LSAMP: variants seen among roughly 807,000 people sequenced by gnomAD.
LSAMP encodes limbic system-associated membrane protein.
In LSAMP, 7 loss-of-function variants were observed where a neutral mutation model predicts 38.6. The observed-to-expected ratio is 0.18, with a 90% CI of 0.10 to 0.34. The LOEUF (loss-of-function observed/expected upper bound fraction) is 0.34, where lower values mean the gene tolerates loss of function less well. LSAMP is among the 10% of genes least tolerant of loss of function. The probability of loss-of-function intolerance (pLI) is 1.00; values close to 1 mark genes in which losing one functional copy is unlikely to be tolerated. For missense variants in LSAMP, 313 were observed against 420.0 expected, an observed-to-expected ratio of 0.75 and a Z score of 2.23; for synonymous variants, 154 against 166.8, an observed-to-expected ratio of 0.92 and a Z score of 0.59.
chr3:116,010,898 T>C (rs1940304588), intron 3 of LSAMP, among the ~76,000 whole-genome samples: 1 of 152,228 alleles, frequency 6.6e-6, no homozygotes, highest in African/African-American at 2.4e-5. Flanking sequence ...CCCACTAATA[T>C]TTCTATTTTT....
chr3:116,117,983 A>C (rs985847664), intron 1 of LSAMP, among the ~76,000 whole-genome samples: 1 of 151,982 alleles, frequency 6.6e-6, no homozygotes, highest in African/African-American at 2.4e-5. Flanking sequence ...TATATTTCTC[A>C]AGAAAGAGTC....
chr3:115,917,585 TC>T (rs1937279762), intron 3 of LSAMP, among the ~76,000 whole-genome samples: 1 of 152,166 alleles, frequency 6.6e-6, no homozygotes, highest in Non-Finnish European at 1.5e-5. Flanking sequence ...TTAAATATTT[TC>T]CAATTTATTC....
intron 3 of LSAMP, among the ~76,000 whole-genome samples, chr3:115,898,691 C>T (rs565062167): frequency 1.3e-5 from 2 of 151,776 alleles, no homozygotes; most frequent in East Asian, 3.9e-4. Flanking sequence ...TAGTACCCAG[C>T]CAATGGTCCA....
intron 1 of LSAMP, among the ~76,000 whole-genome samples, chr3:116,345,989 T>C (rs1444358300): frequency 6.6e-6 from 1 of 152,204 alleles, no homozygotes; most frequent in African/African-American, 2.4e-5. Flanking sequence ...CGGTGTGCCA[T>C]GCACATAATC....
At chr3:115,849,584 G>A (rs1559849433) in intron 4 of LSAMP, among the ~76,000 whole-genome samples, 1 of 152,050 alleles carries the variant, frequency 6.6e-6, no homozygotes, top group Non-Finnish European at 1.5e-5. Context: ...TCCAAAGCCT[G>A]TGTTTTGAAA....
At chr3:116,223,510 T>C (rs1219224015) in intron 1 of LSAMP, among the ~76,000 whole-genome samples, 2 of 152,152 alleles carry the variant, frequency 1.3e-5, no homozygotes, top group African/African-American at 2.4e-5. Flanking sequence ...TATGTAAGAA[T>C]AAGAAAACTA....
At chr3:116,325,394 T>C (rs1260076283) in intron 1 of LSAMP, among the ~76,000 whole-genome samples, 2 of 152,172 alleles carry the variant, frequency 1.3e-5, no homozygotes, top group Non-Finnish European at 2.9e-5. Context: ...CATATACTCT[T>C]ATCCCTGTCT....
intron 1 of LSAMP, among the ~76,000 whole-genome samples, chr3:116,411,678 A>G (rs1362250429): frequency 6.7e-6 from 1 of 149,786 alleles, no homozygotes; most frequent in East Asian, 2.0e-4. Context: ...CTAATGCTAA[A>G]TGACGAGTTA....
At chr3:115,919,731 CCTCCCGAGTAG>C (rs1249619497) in intron 3 of LSAMP, among the ~76,000 whole-genome samples, 1 of 152,152 alleles carries the variant, frequency 6.6e-6, no homozygotes, top group Non-Finnish European at 1.5e-5. Context: ...CTTGCCTCAG[CCTCCCGAGTAG>C]CTGGGATTAC....
intron 1 of LSAMP, among the ~76,000 whole-genome samples, chr3:116,435,180 GGGT>G (rs2049333521): frequency 6.6e-6 from 1 of 152,104 alleles, no homozygotes; most frequent in Admixed American, 6.5e-5. Flanking sequence ...AGTCATCCCT[GGGT>G]TACTATAGCT....
chr3:116,274,737 A>AT (rs2047023754), intron 1 of LSAMP, among the ~76,000 whole-genome samples: 1 of 151,286 alleles, frequency 6.6e-6, no homozygotes, highest in Non-Finnish European at 1.5e-5. Context: ...TGGTTAAACC[A>AT]TTTTCCAATC....
At chr3:116,165,219 C>T (rs768019613) in intron 1 of LSAMP, among the ~76,000 whole-genome samples, 2 of 152,226 alleles carry the variant, frequency 1.3e-5, no homozygotes, top group African/African-American at 2.4e-5. Context: ...CTGGACTTGG[C>T]TGTTGGCAGT....
At chr3:115,917,986 C>T (rs1360289589) in intron 3 of LSAMP, among the ~76,000 whole-genome samples, 1 of 152,106 alleles carries the variant, frequency 6.6e-6, no homozygotes, top group East Asian at 1.9e-4. Context: ...ATGCAAGTAC[C>T]CTTCAGTTAA....
chr3:116,221,844 A>AGTGTGTGTGT (rs58596077), intron 1 of LSAMP, among the ~76,000 whole-genome samples: 3,007 of 145,416 alleles, frequency 0.021, 42 homozygotes, highest in Middle Eastern at 0.035. Context: ...CCTAAAAAGA[A>AGTGTGTGTGT]GTGTGTGTGT....
chr3:116,431,552 G>A (rs983660188), intron 1 of LSAMP, among the ~76,000 whole-genome samples: 3 of 152,024 alleles, frequency 2.0e-5, no homozygotes, highest in Non-Finnish European at 4.4e-5. Flanking sequence ...GTTTTCTACA[G>A]ATTTTCTAAT....
intron 1 of LSAMP, among the ~76,000 whole-genome samples, chr3:116,195,639 G>A (rs1710864282): frequency 6.7e-6 from 1 of 149,994 alleles, no homozygotes; most frequent in Non-Finnish European, 1.5e-5. Context: ...GTCAGTTTTG[G>A]TAAAGATGGA....
chr3:115,839,290 C>CTTCT (rs1934915282), intron 6 of LSAMP, among the ~76,000 whole-genome samples: 1 of 129,832 alleles, frequency 7.7e-6, no homozygotes, highest in Non-Finnish European at 1.7e-5. Context: ...TCCTTCCTTC[C>CTTCT]TTCCTTCCTT....
intron 1 of LSAMP, among the ~76,000 whole-genome samples, chr3:116,409,210 C>T (rs2048939466): frequency 6.6e-6 from 1 of 152,004 alleles, no homozygotes; most frequent in Non-Finnish European, 1.5e-5. Flanking sequence ...CCTCTGCATC[C>T]ATCAGGGATG....
At chr3:116,049,308 T>C (rs1450794195) in intron 2 of LSAMP, among the ~76,000 whole-genome samples, 2 of 152,216 alleles carry the variant, frequency 1.3e-5, no homozygotes, top group Non-Finnish European at 2.9e-5. Context: ...AGGGCCAGCC[T>C]GTAGCAAAAC....
Sources: allele counts gnomAD v4.1 joint callset (sites outside exome capture counted in the v4.1 genomes callset), GRCh38; gene constraint gnomAD v4.1.1; transcripts MANE v1.5; gene names NCBI Gene and HGNC (gene_info 2026-07-23, HGNC 2026-07-21).